The following PBX1 variants were observed in gnomAD, a reference collection of about 807,000 sequenced individuals.
PBX1 encodes PBX homeobox 1.
PBX1 carries 6 observed loss-of-function variants against 53.4 expected under a neutral mutation model. The observed-to-expected ratio is 0.11, with a 90% CI of 0.06 to 0.22. The LOEUF is 0.22. Ranked by LOEUF, PBX1 falls within the 10% of genes least tolerant of loss-of-function variation. PBX1 has a pLI of 1.00. For synonymous variants in PBX1, 204 were observed against 212.3 expected (o/e 0.96, Z 0.34); for missense variants, 251 against 551.4 (o/e 0.46, Z 5.46).
chr1:164,856,202 C>G (rs947705788), downstream of PBX1, among the ~76,000 whole-genome samples: 1 of 152,298 alleles, frequency 6.6e-6, no homozygotes, highest in Non-Finnish European at 1.5e-5. Flanking sequence ...ACAAAGCCTC[C>G]CTTCCTTCTG....
chr1:164,584,306 G>A (rs1000541818), intron 2 of PBX1, among the ~76,000 whole-genome samples: 4 of 151,780 alleles, frequency 2.6e-5, no homozygotes, highest in African/African-American at 9.7e-5. Flanking sequence ...GTTCTAGTCC[G>A]GCCTGGACAG....
At chr1:164,790,338 G>GA (rs34062084) in intron 2 of PBX1, among the ~76,000 whole-genome samples, 11 of 151,842 alleles carry the variant, frequency 7.2e-5, no homozygotes, top group Non-Finnish European at 8.8e-5. Context: ...GATTTTATTG[G>GA]AAAAAAAAGT....
Position 164,606,536 on chromosome 1 carries a change from G to A in PBX1, c.265+43225G>A, listed in dbSNP as rs867694739. On this transcript the variant is annotated intron_variant, in intron 2 of 8. Coordinates refer to ENST00000420696, the MANE Select transcript of PBX1 (RefSeq NM_002585.4). ...GGTTTCAGTGAGCTGAGGTAGCGCC[G>A]CTGCACTCCAGCCTGAACAACAGAG... 9.8e-5 allele frequency among the ~76,000 whole-genome samples: 15 copies of A among 152,288 alleles called. No individual in the cohort carries two copies. In the Middle Eastern group the frequency reaches 0.01, roughly 104 times the overall value.
rs994526516 is a variant in PBX1, at chr1:164,638,200, G to A, written c.265+74889G>A. The stretch of plus-strand genomic sequence containing the variant: ...CATAATCATGCTGCCTAGCAACAGC[G>A]GCAGCGTGGTCACTTGCGCAGATTT... On this transcript the variant is annotated intron_variant, in intron 2 of 8. Coordinates refer to ENST00000420696, the MANE Select transcript of PBX1 (RefSeq NM_002585.4). Among the ~76,000 whole-genome samples, 6 of 152,210 alleles carry A rather than the reference G, an allele frequency of 3.9e-5. No individual in the cohort carries two copies. The East Asian group carries it at 7.7e-4, about 20-fold the overall frequency.
intron 2 of PBX1, among the ~76,000 whole-genome samples, chr1:164,747,774 C>T (rs1665973990): frequency 6.6e-6 from 1 of 152,050 alleles, no homozygotes; most frequent in Non-Finnish European, 1.5e-5. Flanking sequence ...TACTATGATA[C>T]CAAGGTAGTG....
intron 2 of PBX1, among the ~76,000 whole-genome samples, chr1:164,783,521 TA>T (rs1668029305): frequency 6.6e-6 from 1 of 152,232 alleles, no homozygotes; most frequent in South Asian, 2.1e-4. Context: ...CCTGCTTTTT[TA>T]TTCTTCCCAA....
At chr1:164,714,831 T>G (rs958512901) in intron 2 of PBX1, among the ~76,000 whole-genome samples, 1 of 152,208 alleles carries the variant, frequency 6.6e-6, no homozygotes, top group Non-Finnish European at 1.5e-5. Context: ...GGGGATGGAC[T>G]TGACCAGTGA....
At chr1:164,838,904 G>T (rs948686549) in intron 8 of PBX1, among the ~76,000 whole-genome samples, 4 of 152,164 alleles carry the variant, frequency 2.6e-5, no homozygotes, top group South Asian at 4.1e-4. Flanking sequence ...TCAAACATGA[G>T]CCTAGTCCTG....
chr1:164,822,564 T>C (rs151090066), intron 8 of PBX1, among the ~76,000 whole-genome samples: 4 of 152,348 alleles, frequency 2.6e-5, no homozygotes, highest in African/African-American at 9.6e-5. Flanking sequence ...ATGTCTGCAG[T>C]GAAGGAGGTG....
chr1:164,740,106 A>G (rs1037487651), intron 2 of PBX1, among the ~76,000 whole-genome samples: 2 of 152,198 alleles, frequency 1.3e-5, no homozygotes, highest in African/African-American at 4.8e-5. Flanking sequence ...GGAAGAGGAA[A>G]TAAAAGGTGC....
chr1:164,758,141 C>A (rs1341400356), intron 2 of PBX1, among the ~76,000 whole-genome samples: 1 of 152,128 alleles, frequency 6.6e-6, no homozygotes, highest in African/African-American at 2.4e-5. Flanking sequence ...ATTTTCCCTC[C>A]TTGATTCTAC....
At chr1:164,864,751 C>T (rs543422005) in intron 2 of PBX1, among the ~76,000 whole-genome samples, 1 of 152,312 alleles carries the variant, frequency 6.6e-6, no homozygotes, top group East Asian at 1.9e-4. Context: ...TGACCTTTTC[C>T]TGCCTAAGAA....
At chr1:164,707,457 A>AG (rs1663502602) in intron 2 of PBX1, among the ~76,000 whole-genome samples, 6 of 100,986 alleles carry the variant, frequency 5.9e-5, no homozygotes, top group African/African-American at 2.7e-4. Context: ...GAGAGAGAGA[A>AG]AGTGCTGAAT....
chr1:164,638,130 G>A (rs934092312), intron 2 of PBX1, among the ~76,000 whole-genome samples: 1 of 152,244 alleles, frequency 6.6e-6, no homozygotes, highest in African/African-American at 2.4e-5. Flanking sequence ...ATGGCTGTGT[G>A]TGTATGTGAT....
At chr1:164,704,781 A>G (rs941602704) in intron 2 of PBX1, among the ~76,000 whole-genome samples, 1 of 152,174 alleles carries the variant, frequency 6.6e-6, no homozygotes, top group Non-Finnish European at 1.5e-5. Context: ...TCTCAGGTAG[A>G]TGTTTTTTCC....
chr1:164,747,581 A>G (rs1435412336), intron 2 of PBX1, among the ~76,000 whole-genome samples: 1 of 152,152 alleles, frequency 6.6e-6, no homozygotes, highest in Non-Finnish European at 1.5e-5. Context: ...TTGAATGACC[A>G]CGGGCACACT....
chr1:164,639,018 C>T (rs146999867), intron 2 of PBX1, among the ~76,000 whole-genome samples: 6 of 152,312 alleles, frequency 3.9e-5, no homozygotes, highest in Non-Finnish European at 8.8e-5. Flanking sequence ...ACAGGCTTGG[C>T]ATCAGAAGGC....
chr1:164,678,786 G>A (rs1003305649), intron 2 of PBX1, among the ~76,000 whole-genome samples: 2 of 151,972 alleles, frequency 1.3e-5, no homozygotes, highest in East Asian at 1.9e-4. Context: ...TTCTTCACAC[G>A]CCACTCTCTC....
intron 2 of PBX1, among the ~76,000 whole-genome samples, chr1:164,865,754 C>T (rs1336541298): frequency 6.6e-6 from 1 of 152,182 alleles, no homozygotes; most frequent in Non-Finnish European, 1.5e-5. Flanking sequence ...CCAGAATATG[C>T]ACATTCCTGC....
Sources: gnomAD v4.1 joint callset for allele counts (sites outside exome capture counted in the v4.1 genomes callset) on GRCh38, gnomAD v4.1.1 for gene constraint, MANE v1.5 for transcripts, NCBI Gene and HGNC (gene_info 2026-07-23, HGNC 2026-07-21) for gene names.